Variants in CAST observed in about 807,000 individuals in gnomAD.
The protein encoded by CAST is calpastatin, also known as MIR583 host.
CAST carries 76 observed loss-of-function variants against 119.6 expected under a neutral mutation model. That is an observed-to-expected ratio of 0.64 (90% CI 0.53 to 0.77). The LOEUF (loss-of-function observed/expected upper bound fraction) is 0.77. CAST is among the 30% of genes least tolerant of loss of function. The pLI, the probability that CAST is intolerant of heterozygous loss-of-function variation, is 0.00. For missense variants in CAST, 953 were observed against 946.5 expected (o/e 1.01, Z -0.09); for synonymous variants, 319 against 331.6 (o/e 0.96, Z 0.41).
intron 1 of CAST, among the ~76,000 whole-genome samples, chr5:96,625,657 A>T (rs1580851179): frequency 6.6e-6 from 1 of 152,372 alleles, no homozygotes; most frequent in Non-Finnish European, 1.5e-5. Flanking sequence ...TGAAAGTGAC[A>T]TAATACAAAA....
chr5:96,391,938 T>C, the CAST span: 1 of 152,278 alleles, frequency 6.6e-6, no homozygotes, highest in African/African-American at 2.4e-5. Flanking sequence ...TTGGACACTA[T>C]CAGTGATAGG....
the CAST span, among the ~76,000 whole-genome samples, chr5:96,460,260 G>A: frequency 6.6e-6 from 1 of 152,098 alleles, no homozygotes; most frequent in Non-Finnish European, 1.5e-5. Flanking sequence ...AATGAGAAGA[G>A]TCACTTGAGA....
At position 96,746,393 on chromosome 5, in the gene CAST, A is replaced by C. The variant is rs1321227733; in HGVS notation, c.1252A>C (p.Ile418Leu). The change falls in exon 17 of 32, where the codon ATC (isoleucine) becomes CTC (leucine). Residue 418 changes from isoleucine (I) to leucine (L), a missense_variant. By Grantham distance (5) the Ile-to-Leu change is conservative. Transcript: ENST00000675179. ...LEKCGEDDETIPSEYRLKPAT... is the reference protein window; with the variant it reads ...LEKCGEDDETLPSEYRLKPAT... The stretch of plus-strand genomic sequence containing the variant: ...GAAGTGTGGTGAGGATGATGAAACA[A>C]TCCCATCTGAGTACAGATTAAAACC... 4.3e-6 allele frequency: 7 copies of C among 1,611,740 alleles called. No homozygotes were observed. Among genetic ancestry groups the C allele is most frequent in the Non-Finnish European group, 5.1e-6 (6 of 1,177,872 alleles).
chr5:96,351,913 GAA>G, the CAST span, among the ~76,000 whole-genome samples: 1 of 152,176 alleles, frequency 6.6e-6, no homozygotes, highest in Non-Finnish European at 1.5e-5. Flanking sequence ...AAGGATCACA[GAA>G]AAGTTAACTA....
the CAST span, among the ~76,000 whole-genome samples, chr5:96,171,579 A>G: frequency 6.6e-6 from 1 of 152,258 alleles, no homozygotes; most frequent in Non-Finnish European, 1.5e-5. Flanking sequence ...GTGTCCCTGC[A>G]TAATTAAACA....
intron 1 of CAST, among the ~76,000 whole-genome samples, chr5:96,597,829 A>C (rs1177062076): frequency 6.6e-6 from 1 of 151,846 alleles, no homozygotes; most frequent in Admixed American, 6.6e-5. Flanking sequence ...AGATGTGTAA[A>C]GTGGGGGTCA....
the CAST span, among the ~76,000 whole-genome samples, chr5:96,309,187 G>A: frequency 3.9e-5 from 6 of 152,258 alleles, no homozygotes; most frequent in Admixed American, 3.3e-4. Context: ...GACAGTCTGA[G>A]CTACCTTGCT....
At chr5:96,277,826 T>A in the CAST span, among the ~76,000 whole-genome samples, 1 of 152,074 alleles carries the variant, frequency 6.6e-6, no homozygotes, top group Non-Finnish European at 1.5e-5. Context: ...GTATTTATAG[T>A]CTTAAACATT....
chr5:96,326,909 C>T, the CAST span, among the ~76,000 whole-genome samples: 2 of 152,058 alleles, frequency 1.3e-5, no homozygotes, highest in East Asian at 1.9e-4. Context: ...GTTACTTAAC[C>T]AGTGTTTTTA....
chr5:96,349,138 TA>T, the CAST span, among the ~76,000 whole-genome samples: 1 of 81,268 alleles, frequency 1.2e-5, no homozygotes, highest in African/African-American at 5.1e-5. Context: ...ACAAGGACAC[TA>T]TTTTTTTTTT....
chr5:96,644,746 G>A lies in CAST; in HGVS notation c.61-30793G>A, dbSNP rs1253108930. The stretch of plus-strand genomic sequence containing the variant: ...TCTCAGCACTTTGGGAGGGTGAGGC[G>A]AGTGGACCATTTGAGGTCAGGAGTT... On this transcript the variant is annotated intron_variant, in intron 1 of 11. Transcript: ENST00000505143. 2.0e-5 allele frequency among the ~76,000 whole-genome samples: 3 copies of A among 152,296 alleles called. No individual in the cohort carries two copies. The East Asian group carries it at 5.8e-4, about 29-fold the overall frequency.
intron 1 of CAST, among the ~76,000 whole-genome samples, chr5:96,663,568 T>C (rs557786644): frequency 1.3e-5 from 2 of 152,224 alleles, no homozygotes; most frequent in African/African-American, 4.8e-5. Flanking sequence ...TAAGTAAAGT[T>C]CAAAACTTTT....
chr5:96,531,091 C>G (rs904028040), intron 1 of CAST, among the ~76,000 whole-genome samples: 1 of 152,176 alleles, frequency 6.6e-6, no homozygotes, highest in Non-Finnish European at 1.5e-5. Context: ...CTGCACCCCA[C>G]TGCAAATAAT....
At chr5:96,628,903 G>T (rs1439742551) in intron 1 of CAST, among the ~76,000 whole-genome samples, 1 of 152,176 alleles carries the variant, frequency 6.6e-6, no homozygotes, top group African/African-American at 2.4e-5. Context: ...TGCAGGATGT[G>T]TGGCAATTCT....
At chr5:96,414,316 T>C in the CAST span, among the ~76,000 whole-genome samples, 2 of 152,140 alleles carry the variant, frequency 1.3e-5, no homozygotes, top group African/African-American at 4.8e-5. Flanking sequence ...ATGTATAAAC[T>C]CATCTAAACC....
chr5:96,572,014 G>A (rs1368563952), intron 1 of CAST, among the ~76,000 whole-genome samples: 1 of 152,182 alleles, frequency 6.6e-6, no homozygotes, highest in Non-Finnish European at 1.5e-5. Context: ...AGCAATGGTG[G>A]ATAAATGGTT....
At chr5:96,211,265 A>C in the CAST span, among the ~76,000 whole-genome samples, 3,749 of 152,086 alleles carry the variant, frequency 0.025, 168 homozygotes, top group African/African-American at 0.085. Context: ...GAAAGCGTTA[A>C]ATTTTTCATC....
intron 1 of CAST, among the ~76,000 whole-genome samples, chr5:96,630,243 C>T (rs986877793): frequency 2.6e-5 from 4 of 152,008 alleles, no homozygotes; most frequent in Admixed American, 2.0e-4. Flanking sequence ...AATGCAGTGA[C>T]GGAAAAATGA....
At chr5:96,632,868 C>T (rs1268851715) in intron 1 of CAST, among the ~76,000 whole-genome samples, 2 of 152,144 alleles carry the variant, frequency 1.3e-5, no homozygotes, top group South Asian at 2.1e-4. Flanking sequence ...TCCAACTTTG[C>T]TCTTATTTTT....
Sources: allele counts gnomAD v4.1 joint callset (sites outside exome capture counted in the v4.1 genomes callset), GRCh38; gene constraint gnomAD v4.1.1; transcripts MANE v1.5; gene names NCBI Gene and HGNC (gene_info 2026-07-23, HGNC 2026-07-21).